Variants in CYGB observed in about 807,000 individuals in gnomAD.
The protein encoded by CYGB is histoglobin.
CYGB carries 13 observed loss-of-function variants against 20.7 expected under a neutral mutation model. The observed-to-expected ratio is 0.63, with a 90% CI of 0.41 to 1.00. CYGB has a LOEUF of 1.00. Ranked by LOEUF, CYGB falls within the 50% of genes least tolerant of loss-of-function variation. CYGB has a pLI of 0.00. For missense variants in CYGB, 218 were observed against 257.2 expected (o/e 0.85, Z 1.04); for synonymous variants, 93 against 107.4 (o/e 0.87, Z 0.83).
intron 3 of CYGB, chr17:76,529,716 T>C: frequency 1.0e-6 from 1 of 985,260 alleles, no homozygotes; most frequent in African/African-American, 1.7e-5. Context: ...GGGTGACAGC[T>C]GGTGGGGGGT....
chr17:76,534,146 T>TCTCTCTCTCTCTCTCTC (rs2074885915), intron 1 of CYGB, among the ~76,000 whole-genome samples: 1 of 128,904 alleles, frequency 7.8e-6, no homozygotes, highest in Admixed American at 8.4e-5. Context: ...CTCTTTCTCT[T>TCTCTCTCTCTCTCTCTC]TCTCTCTCTC....
At chr17:76,550,434 G>C (rs2075099041) in intron 1 of CYGB, 1 of 151,632 alleles carries the variant, frequency 6.6e-6, no homozygotes, top group Non-Finnish European at 1.5e-5. Context: ...CTAATTTTTT[G>C]TATTTTTAGT....
At chr17:76,544,043 T>C (rs1484377477) in intron 1 of CYGB, 7 of 454,764 alleles carry the variant, frequency 1.5e-5, no homozygotes, top group Non-Finnish European at 2.6e-5. Flanking sequence ...GCTGCCTCCT[T>C]TGCCCCCAGC....
At chr17:76,541,434 G>A (rs764599296), upstream of CYGB, among the ~76,000 whole-genome samples, 1 of 152,184 alleles carries the variant, frequency 6.6e-6, no homozygotes, top group Non-Finnish European at 1.5e-5. Context: ...CGGGTACTGT[G>A]ACCATCCATG....
At position 76,533,293 on chromosome 17, in the gene CYGB, G is replaced by T. The variant is rs2074870263; in HGVS notation, c.144-1602C>A. ...CGCTCACTGCTTCATGGATACACGG[G>T]TGAGGACACGTGAGGCGACGGGTCT... On this transcript the variant is annotated intron_variant, in intron 1 of 3. Transcript: ENST00000293230. This position sits in a 1 kb window ranked among gnomAD's most constrained non-coding sequence, Gnocchi z 4.5. 6.6e-6 allele frequency among the ~76,000 whole-genome samples: 1 copy of T among 152,236 alleles called. No homozygotes were observed. The highest frequency in any genetic ancestry group is 2.1e-4 in the South Asian group (1 of 4,834).
rs2074867211 is a variant in CYGB at position 76,533,060 on chromosome 17, A to G, written c.144-1369T>C. On this transcript the variant is annotated intron_variant, in intron 1 of 3. Coordinates refer to ENST00000293230, the MANE Select transcript of CYGB (RefSeq NM_134268.5). The surrounding 1 kb of genome is among the most constrained non-coding windows in gnomAD (Gnocchi z 4.5). ...GCCCTTTGGCCAGGAGTCGAGTCTC[A>G]GATGTGAGGGCTGGAACAGATGCGG... Among the ~76,000 whole-genome samples, 1 of 152,180 alleles carries G rather than the reference A, an allele frequency of 6.6e-6. No homozygotes were observed. The highest frequency in any genetic ancestry group is 1.5e-5 in the Non-Finnish European group (1 of 68,026).
chr17:76,529,194 C>T, intron 3 of CYGB: 2 of 985,402 alleles, frequency 2.0e-6, no homozygotes, highest in South Asian at 4.7e-5. Context: ...CCATCCTACC[C>T]TCGAGCCCAT....
intron 1 of CYGB, among the ~76,000 whole-genome samples, chr17:76,535,850 A>T (rs1179250048): frequency 6.6e-6 from 1 of 152,100 alleles, no homozygotes; most frequent in Non-Finnish European, 1.5e-5. Context: ...ACGTATCCGC[A>T]CAGGTACCTG....
At chr17:76,537,236 T>G (rs1015234974) in intron 1 of CYGB, among the ~76,000 whole-genome samples, 164 bp downstream of exon 1, 3 of 152,108 alleles carry the variant, frequency 2.0e-5, no homozygotes, top group Admixed American at 2.0e-4. Flanking sequence ...CCAGGCTTCG[T>G]TCACCCCAAG....
At chr17:76,540,212 A>G, upstream of CYGB, 1 of 1,394,992 alleles carries the variant, frequency 7.2e-7, no homozygotes, top group South Asian at 1.2e-5. This position sits in a 1 kb window ranked among gnomAD's most constrained non-coding sequence, Gnocchi z 5.0. Flanking sequence ...AACCGAGTCC[A>G]ACCGTGAGAA....
At chr17:76,543,066 T>C (rs762313015) in intron 1 of CYGB, 1 of 471,934 alleles carries the variant, frequency 2.1e-6, no homozygotes, top group East Asian at 6.9e-5. Context: ...AGGAGGATGC[T>C]GTGGGAGCTG....
intron 1 of CYGB, among the ~76,000 whole-genome samples, chr17:76,536,760 C>T (rs1277412415): frequency 6.6e-6 from 1 of 152,168 alleles, no homozygotes; most frequent in African/African-American, 2.4e-5. Flanking sequence ...CTTCCCCTCA[C>T]CCTCCAAACT....
upstream of CYGB, chr17:76,540,342 G>A: frequency 7.6e-7 from 1 of 1,319,674 alleles, no homozygotes. The surrounding 1 kb of genome is among the most constrained non-coding windows in gnomAD (Gnocchi z 5.0). Flanking sequence ...GGCATTTTGA[G>A]GAACCCTTGA....
chr17:76,549,291 A>G (rs1372864406), intron 1 of CYGB, among the ~76,000 whole-genome samples: 1 of 152,264 alleles, frequency 6.6e-6, no homozygotes, highest in African/African-American at 2.4e-5. Context: ...TTTAATAGAC[A>G]CTACAACAAA....
In CYGB at chr17:76,531,649, C is replaced by T. The variant is rs552944771; in HGVS notation, c.186G>A (p.Gln62=). The change falls in exon 2 of 4, where the codon CAG becomes CAA. Residue 62 remains glutamine, a synonymous_variant. Transcript: ENST00000293230. This position sits in a 1 kb window ranked among gnomAD's most constrained non-coding sequence, Gnocchi z 7.4. ...CCAGGGGATCCTCCATGTGCTTGAA[C>T]TGGCTGAAGTACTGCTTGGCCGAGG... ...NFPSAKQYFS[Q]FKHMEDPLEM... 28 of 1,610,000 alleles carry T rather than the reference C, an allele frequency of 1.7e-5. No individual in the cohort carries two copies. In the South Asian group the frequency reaches 2.7e-4, roughly 16 times the overall value.
At chr17:76,544,807 T>C in intron 1 of CYGB, 2 of 456,796 alleles carry the variant, frequency 4.4e-6, no homozygotes, top group Non-Finnish European at 8.8e-6. Flanking sequence ...GAGTTGCTCA[T>C]CTCCTTCCAC....
chr17:76,544,013 G>C (rs1316047992), intron 1 of CYGB: 1 of 456,668 alleles, frequency 2.2e-6, no homozygotes, highest in East Asian at 6.9e-5. Context: ...TTATCAATTT[G>C]CTGATGCTCA....
rs908873505 is a variant in CYGB, at chr17:76,528,746, C to A, written c.540-135G>T. 4 of 1,038,516 alleles carry A rather than the reference C, an allele frequency of 3.9e-6. No homozygotes were observed. In the African/African-American group the frequency reaches 6.6e-5, roughly 17 times the overall value. 64.3% of individuals were successfully genotyped at this position (1,038,516 alleles called of 1,614,324 possible). A position where few individuals can be genotyped will look rare whatever the true frequency, so the allele number is the denominator to read the frequency against. On this transcript the variant is annotated intron_variant, in intron 3 of 3. Transcript: ENST00000293230. This position sits in a 1 kb window ranked among gnomAD's most constrained non-coding sequence, Gnocchi z 5.8. ...TCCGGCACAGTGCAGTTGAAAGCAA[C>A]CGTGAGACCCAAGTTCTAGTCTCCG...
At chr17:76,542,384 A>C (rs4647881), upstream of CYGB, among the ~76,000 whole-genome samples, 24,547 of 152,170 alleles carry the variant, frequency 0.16, 2,474 homozygotes, top group East Asian at 0.35. Flanking sequence ...TGGGGGTGAC[A>C]TTTCTACTCT....
Sources: allele counts gnomAD v4.1 joint callset (sites outside exome capture counted in the v4.1 genomes callset), GRCh38; gene constraint gnomAD v4.1.1; non-coding constraint Gnocchi (gnomAD v3.1); transcripts MANE v1.5; gene names NCBI Gene and HGNC (gene_info 2026-07-23, HGNC 2026-07-21).